PTBP2: variants seen among roughly 807,000 people sequenced by gnomAD.
The protein encoded by PTBP2 is polypyrimidine tract-binding protein 2.
In PTBP2, 13 loss-of-function variants were observed where a neutral mutation model predicts 61.4. That is an observed-to-expected ratio of 0.21 (90% CI 0.14 to 0.34). The LOEUF (loss-of-function observed/expected upper bound fraction) is 0.34, where lower values mean the gene tolerates loss of function less well. Among genes scored for constraint, PTBP2 ranks in the 10% least tolerant of loss-of-function variants. The pLI, the probability that PTBP2 is intolerant of heterozygous loss-of-function variation, is 1.00. For synonymous variants in PTBP2, 215 were observed against 218.5 expected (o/e 0.98, Z 0.14); for missense variants, 405 against 642.6 (o/e 0.63, Z 4.00).
intron 3 of PTBP2, among the ~76,000 whole-genome samples, chr1:96,754,300 G>A (rs191526166): frequency 1.0e-3 from 154 of 152,146 alleles, no homozygotes; most frequent in African/African-American, 3.5e-3. Flanking sequence ...TTTTAAAAGG[G>A]CTCTCTCTTT....
downstream of PTBP2, chr1:96,818,451 G>A (rs1490873834): frequency 1.3e-5 from 2 of 151,916 alleles, no homozygotes; most frequent in Non-Finnish European, 2.9e-5. Flanking sequence ...TTTTATTCGT[G>A]GTCATAGTTG....
At chr1:96,722,823 AG>A (rs1454720814) in intron 1 of PTBP2, among the ~76,000 whole-genome samples, 1 of 152,228 alleles carries the variant, frequency 6.6e-6, no homozygotes, top group Non-Finnish European at 1.5e-5. Flanking sequence ...GTGAAATGGT[AG>A]GGACCGATGT....
intron 2 of PTBP2, among the ~76,000 whole-genome samples, chr1:96,741,786 T>C (rs1436894706): frequency 6.6e-6 from 1 of 152,242 alleles, no homozygotes; most frequent in African/African-American, 2.4e-5. Context: ...ATTCTTTGTG[T>C]AGCATATGTT....
At chr1:96,810,152 A>G (rs1661924082) in intron 11 of PTBP2, among the ~76,000 whole-genome samples, 1 of 152,188 alleles carries the variant, frequency 6.6e-6, no homozygotes, top group South Asian at 2.1e-4. Flanking sequence ...TCTCTTTCAT[A>G]GATGGATTAA....
At chr1:96,737,279 T>C (rs116673232) in intron 2 of PTBP2, among the ~76,000 whole-genome samples, 2,832 of 152,256 alleles carry the variant, frequency 0.019, 90 homozygotes, top group African/African-American at 0.064. Flanking sequence ...TTTTTCTTTT[T>C]ACTTTTAAAA....
chr1:96,798,389 G>A (rs927338032), intron 8 of PTBP2, among the ~76,000 whole-genome samples: 15 of 152,142 alleles, frequency 9.9e-5, no homozygotes, highest in African/African-American at 3.6e-4. Flanking sequence ...CTGTGTGACA[G>A]AGTGAAACTC....
At chr1:96,799,410 C>G (rs890694497) in intron 8 of PTBP2, among the ~76,000 whole-genome samples, 1 of 150,752 alleles carries the variant, frequency 6.6e-6, no homozygotes, top group East Asian at 1.9e-4. Flanking sequence ...ATTCTTCTGC[C>G]TCAGCCTCCC....
intron 2 of PTBP2, among the ~76,000 whole-genome samples, chr1:96,727,911 G>T (rs1032033753): frequency 3.9e-5 from 6 of 152,040 alleles, no homozygotes; most frequent in African/African-American, 1.2e-4. Flanking sequence ...TTTATGGATT[G>T]TAGTTTTGGG....
In PTBP2 at chr1:96,760,755, T is replaced by C. The variant is rs189394473; in HGVS notation, c.116-8948T>C. On this transcript the variant is annotated intron_variant, in intron 3 of 13. Transcript: ENST00000674951. ...CCACTGCGTCTGACCTAGTTTACTA[T>C]TTTCTTACGGAGTTAAACATTAACC... 4.6e-5 allele frequency among the ~76,000 whole-genome samples: 7 copies of C among 152,282 alleles called. No individual in the cohort carries two copies. In the East Asian group the frequency reaches 1.4e-3, roughly 29 times the overall value.
chr1:96,758,077 T>C (rs1247168642), intron 3 of PTBP2, among the ~76,000 whole-genome samples: 1 of 151,994 alleles, frequency 6.6e-6, no homozygotes, highest in African/African-American at 2.4e-5. Context: ...ATAACATAAA[T>C]AATATAAAGT....
chr1:96,759,068 A>G (rs762667561), intron 3 of PTBP2, among the ~76,000 whole-genome samples: 2 of 152,038 alleles, frequency 1.3e-5, no homozygotes, highest in Non-Finnish European at 2.9e-5. Context: ...AAATATCAGG[A>G]AAAAAATTTG....
intron 2 of PTBP2, among the ~76,000 whole-genome samples, chr1:96,739,618 GTTTTTTTTTTT>G (rs772410191): frequency 3.6e-5 from 3 of 83,802 alleles, no homozygotes; most frequent in African/African-American, 5.6e-5. Context: ...ACTGGTGTGT[GTTTTTTTTTTT>G]TTTTTTTTTT....
chr1:96,746,235 C>G (rs1029889014), intron 2 of PTBP2, among the ~76,000 whole-genome samples: 2 of 152,012 alleles, frequency 1.3e-5, no homozygotes, highest in Non-Finnish European at 2.9e-5. Context: ...CTTTATGAGA[C>G]AGTACTAGAT....
rs570006151 is a variant in PTBP2, at chr1:96,764,757, T to C, written c.116-4946T>C. On this transcript the variant is annotated intron_variant, in intron 3 of 13. Transcript: ENST00000674951. ...GGTTTTAACAACTCATCTTCTTGCA[T>C]ATAAAGGTAGTGAGAGCCTTATTTC... 5.9e-5 allele frequency among the ~76,000 whole-genome samples: 9 copies of C among 152,362 alleles called. No homozygotes were observed. In the South Asian group the frequency reaches 1.9e-3, roughly 32 times the overall value.
chr1:96,795,590 CAAG>C (rs1274707512), intron 8 of PTBP2, among the ~76,000 whole-genome samples: 6 of 152,096 alleles, frequency 3.9e-5, no homozygotes, highest in African/African-American at 1.2e-4. Flanking sequence ...ATAAGATAAA[CAAG>C]AAATCTAGGG....
chr1:96,805,040 A>C, intron 9 of PTBP2, 101 bp downstream of exon 9: 1 of 906,352 alleles, frequency 1.1e-6, no homozygotes, highest in Non-Finnish European at 1.6e-6. Context: ...TTTTATGTAC[A>C]TTCATTAGTC....
At chr1:96,788,821 A>T (rs897840086) in intron 8 of PTBP2, among the ~76,000 whole-genome samples, 4 of 152,076 alleles carry the variant, frequency 2.6e-5, no homozygotes, top group African/African-American at 9.6e-5. Context: ...ACTAACATTT[A>T]TGTCTGGCTT....
chr1:96,798,814 G>C (rs141128866), intron 8 of PTBP2, among the ~76,000 whole-genome samples: 182 of 152,194 alleles, frequency 1.2e-3, no homozygotes, highest in African/African-American at 4.3e-3. Flanking sequence ...GGGGAACTGC[G>C]GTTTCCAGGT....
At chr1:96,770,009 A>G in intron 4 of PTBP2, 134 bp downstream of exon 4, 1 of 645,256 alleles carries the variant, frequency 1.5e-6, no homozygotes, top group South Asian at 4.7e-5. Flanking sequence ...TTTCGAGTAG[A>G]TGTCTGTGGG....
Sources: gnomAD v4.1 joint callset for allele counts (sites outside exome capture counted in the v4.1 genomes callset) on GRCh38, gnomAD v4.1.1 for gene constraint, MANE v1.5 for transcripts, NCBI Gene and HGNC (gene_info 2026-07-23, HGNC 2026-07-21) for gene names.